Variants in TREM1 observed in about 807,000 individuals in gnomAD.
TREM1 encodes triggering receptor expressed on myeloid cells 1.
TREM1 carries 16 observed loss-of-function variants against 22.4 expected under a neutral mutation model. The observed-to-expected ratio is 0.71, with a 90% CI of 0.48 to 1.08. The LOEUF is 1.08. TREM1 is among the 50% of genes least tolerant of loss of function. TREM1 has a pLI of 0.00. For synonymous variants in TREM1, 110 were observed against 111.6 expected, an observed-to-expected ratio of 0.99 and a Z score of 0.09; for missense variants, 283 against 282.9, an observed-to-expected ratio of 1.00 and a Z score of 0.00.
chr6:41,269,003 T>C (rs983213825), downstream of TREM1, among the ~76,000 whole-genome samples: 4 of 152,198 alleles, frequency 2.6e-5, no homozygotes, highest in African/African-American at 9.7e-5. Flanking sequence ...AACTGTTTAT[T>C]TGCAGATGCT....
downstream of TREM1, chr6:41,270,137 A>G (rs1767437764): frequency 6.6e-6 from 1 of 152,086 alleles, no homozygotes; most frequent in Non-Finnish European, 1.5e-5. Context: ...CTGGAGGCAT[A>G]TTTCATGATG....
intron 3 of TREM1, chr6:41,268,181 G>C (rs1471742): frequency 0.12 from 47,593 of 397,488 alleles, 2,862 homozygotes; most frequent in Middle Eastern, 0.13. Context: ...TGGTCCCTCT[G>C]CAACATCAGA....
Position 41,282,771 on chromosome 6 carries a change from A to AT in TREM1, c.50-21dup, listed in dbSNP as rs112617855. On this transcript the variant is annotated intron_variant, in intron 1 of 3. Coordinates refer to ENST00000244709, the MANE Select transcript of TREM1 (RefSeq NM_018643.5). ...GGAGTTCTATAAGCAGGGAAAGAGA[A>AT]TGGGTTCTGTGAGGAATTATTTTTC... 0.017 allele frequency: 27,177 copies of AT among 1,591,674 alleles called. 1,372 individuals carry two copies. The African/African-American group carries it at 0.18, about 11-fold the overall frequency.
chr6:41,278,315 A>C (rs1465773827), intron 3 of TREM1, among the ~76,000 whole-genome samples: 1 of 152,074 alleles, frequency 6.6e-6, no homozygotes, highest in African/African-American at 2.4e-5. Context: ...GTGCCTCTCC[A>C]TCCCCAGGAT....
chr6:41,286,171 A>G (rs1355033329), intron 1 of TREM1, among the ~76,000 whole-genome samples: 2 of 152,214 alleles, frequency 1.3e-5, no homozygotes, highest in Admixed American at 6.5e-5. Context: ...CTGTGTCCTC[A>G]GCAGTAGTAT....
At chr6:41,282,177 C>A in intron 2 of TREM1, 1 of 523,642 alleles carries the variant, frequency 1.9e-6, no homozygotes, top group Admixed American at 3.5e-5. Flanking sequence ...TAATTGTACC[C>A]CAATTCCTAC....
In TREM1 at chr6:41,274,407, C is replaced by G. The variant is rs773004129; in HGVS notation, c.*1718G>C. 1.3e-5 allele frequency among the ~76,000 whole-genome samples: 2 copies of G among 152,090 alleles called. No homozygotes were observed. Among genetic ancestry groups the G allele is most frequent in the African/African-American group, 4.8e-5 (2 of 41,380 alleles). ...CTAGAGTGTATTTAATGATAATACC[C>G]CCTTGCCCTGGTCACTTTGTCAACT... On this transcript the variant is annotated 3_prime_UTR_variant, in exon 4 of 4. Coordinates refer to ENST00000244709, the MANE Select transcript of TREM1 (RefSeq NM_018643.5).
intron 2 of TREM1, chr6:41,281,458 C>T (rs1181128443): frequency 1.1e-5 from 4 of 366,122 alleles, no homozygotes; most frequent in Non-Finnish European, 2.0e-5. Flanking sequence ...TTTTGTCATT[C>T]GTACTGTTGG....
chr6:41,278,708 A>G (rs1335504446), intron 3 of TREM1, among the ~76,000 whole-genome samples: 1 of 152,124 alleles, frequency 6.6e-6, no homozygotes, highest in Non-Finnish European at 1.5e-5. Context: ...TCAAACAGCT[A>G]GTGTGGATTC....
chr6:41,285,762 C>A (rs1329440056), intron 1 of TREM1, among the ~76,000 whole-genome samples: 1 of 152,152 alleles, frequency 6.6e-6, no homozygotes. Flanking sequence ...CCCTTCTGCC[C>A]ATCTAGATTA....
intron 3 of TREM1, 114 bp downstream of exon 3, chr6:41,280,847 T>C (rs1183104162): frequency 7.1e-6 from 11 of 1,551,524 alleles, no homozygotes; most frequent in South Asian, 2.4e-5. Flanking sequence ...GTGACTCAAG[T>C]CTTCTCCTGC....
intron 2 of TREM1, 59 bp from the exon 3 acceptor site, chr6:41,281,212 G>A: frequency 6.4e-7 from 1 of 1,564,054 alleles, no homozygotes; most frequent in Non-Finnish European, 8.7e-7. Context: ...GGGTGGATGG[G>A]TGGGTGAATG....
chr6:41,272,427 G>A (rs993317872), downstream of TREM1, among the ~76,000 whole-genome samples: 4 of 152,136 alleles, frequency 2.6e-5, no homozygotes, highest in South Asian at 2.1e-4. Context: ...CCCCAAGGCC[G>A]GGTTCAAGCC....
At chr6:41,282,241 G>A (rs1242859750) in intron 2 of TREM1, 154 bp downstream of exon 2, 3 of 644,420 alleles carry the variant, frequency 4.7e-6, no homozygotes, top group Non-Finnish European at 8.2e-6. Flanking sequence ...TGCATGGAAG[G>A]TTCTACTTAC....
At chr6:41,285,233 C>T (rs1489124318) in intron 1 of TREM1, among the ~76,000 whole-genome samples, 1 of 152,246 alleles carries the variant, frequency 6.6e-6, no homozygotes, top group Non-Finnish European at 1.5e-5. Context: ...GGCTGCTGAG[C>T]TGTCTGTGCA....
intron 1 of TREM1, among the ~76,000 whole-genome samples, chr6:41,285,232 G>A (rs1195566106): frequency 9.2e-5 from 14 of 152,236 alleles, no homozygotes; most frequent in Admixed American, 9.2e-4. Context: ...AGGCTGCTGA[G>A]CTGTCTGTGC....
rs1318015473 is a variant in TREM1 at position 41,275,642 on chromosome 6, A to C, written c.*483T>G. 6.5e-6 allele frequency: 1 copy of C among 154,604 alleles called. No individual in the cohort carries two copies. Among genetic ancestry groups the C allele is most frequent in the African/African-American group, 2.4e-5 (1 of 41,480 alleles). 9.6% of individuals were successfully genotyped at this position (154,604 alleles called of 1,614,324 possible). On this transcript the variant is annotated 3_prime_UTR_variant, in exon 4 of 4. Coordinates refer to ENST00000244709, the MANE Select transcript of TREM1 (RefSeq NM_018643.5). ...TTTTCTGGGAGTGTTGGAAAGAACC[A>C]CACATAAGCATGAAACCCAAGTGTC...
At chr6:41,285,138 TC>T (rs1768103799) in intron 1 of TREM1, among the ~76,000 whole-genome samples, 1 of 152,114 alleles carries the variant, frequency 6.6e-6, no homozygotes, top group Admixed American at 6.5e-5. Flanking sequence ...ATTTGCCAGC[TC>T]CCCAGGGAAG....
At chr6:41,280,235 T>C (rs766986528) in intron 3 of TREM1, 1 of 973,466 alleles carries the variant, frequency 1.0e-6, no homozygotes, top group Non-Finnish European at 1.2e-6. Flanking sequence ...TATTTAATGA[T>C]AAACACATTC....
Sources: allele counts gnomAD v4.1 joint callset (sites outside exome capture counted in the v4.1 genomes callset), GRCh38; gene constraint gnomAD v4.1.1; transcripts MANE v1.5; gene names NCBI Gene and HGNC (gene_info 2026-07-23, HGNC 2026-07-21).